Variants in PCDHA10 observed in about 807,000 individuals in gnomAD.
PCDHA10 encodes protocadherin alpha 10, also known as protocadherin alpha-10.
Under a neutral mutation model 61.2 loss-of-function variants are expected in PCDHA10, and 45 were observed. The ratio of observed to expected loss-of-function variants is 0.74; its 90% CI spans 0.58 to 0.94. The LOEUF is 0.94. PCDHA10 is among the 40% of genes least tolerant of loss of function. The probability of loss-of-function intolerance (pLI) is 0.00; values close to 1 mark genes in which losing one functional copy is unlikely to be tolerated. For synonymous variants in PCDHA10, 602 were observed against 548.8 expected, an observed-to-expected ratio of 1.10 and a Z score of -1.35; for missense variants, 1,278 against 1,236.2, an observed-to-expected ratio of 1.03 and a Z score of -0.51.
chr5:140,930,412 G>T (rs1327423423), intron 1 of PCDHA10: 1 of 148,866 alleles, frequency 6.7e-6, no homozygotes, highest in Non-Finnish European at 1.5e-5. Context: ...TTTTGAGACA[G>T]GGGTCTCACT....
At chr5:140,902,594 A>G (rs1208012043) in intron 1 of PCDHA10, among the ~76,000 whole-genome samples, 1 of 152,112 alleles carries the variant, frequency 6.6e-6, no homozygotes, top group Non-Finnish European at 1.5e-5. Context: ...TTTGGGAAAC[A>G]GGTCGTTTTC....
intron 1 of PCDHA10, among the ~76,000 whole-genome samples, chr5:140,941,348 G>T (rs1193360429): frequency 1.7e-5 from 2 of 116,240 alleles, no homozygotes; most frequent in East Asian, 2.7e-4. Context: ...ATGGAGTCTT[G>T]CTCTGTTGCC....
At chr5:140,958,868 A>G (rs2095446207) in intron 1 of PCDHA10, among the ~76,000 whole-genome samples, 2 of 152,108 alleles carry the variant, frequency 1.3e-5, no homozygotes, top group Non-Finnish European at 2.9e-5. Context: ...CTGGGTTTAT[A>G]AAAGAATTGA....
At chr5:140,871,682 A>C (rs1207167654) in intron 1 of PCDHA10, 1 of 1,103,566 alleles carries the variant, frequency 9.1e-7, no homozygotes, top group Non-Finnish European at 1.3e-6. Context: ...TCATATGAAT[A>C]ATCTGGCTTC....
intron 1 of PCDHA10, chr5:140,869,173 T>C: frequency 6.2e-7 from 1 of 1,613,884 alleles, no homozygotes; most frequent in African/African-American, 1.3e-5. Flanking sequence ...CCTCGAATTC[T>C]GGGAGGTGGG....
Position 140,971,209 on chromosome 5 carries a change from C to A in PCDHA10, c.2389-7740C>A, listed in dbSNP as rs147218200. 2.2e-3 allele frequency among the ~76,000 whole-genome samples: 328 copies of A among 152,236 alleles called. 3 individuals are homozygous for A. Among genetic ancestry groups the A allele is most frequent in the African/African-American group, 7.7e-3 (319 of 41,534 alleles). Reference sequence around the variant, plus strand: ...AAGCTCAGAGGAAAGACACTGTTACCCTCCCTCTCCTGACTCAAAGCTTGG... The same window carrying A: ...AAGCTCAGAGGAAAGACACTGTTACACTCCCTCTCCTGACTCAAAGCTTGG... On this transcript the variant is annotated intron_variant, in intron 1 of 3. Coordinates refer to ENST00000307360, the MANE Select transcript of PCDHA10 (RefSeq NM_018901.4).
At chr5:140,925,092 AGGAAGGAAGGAAGGAG>A (rs1190692996) in intron 1 of PCDHA10, among the ~76,000 whole-genome samples, 1 of 151,410 alleles carries the variant, frequency 6.6e-6, no homozygotes, top group Non-Finnish European at 1.5e-5. Flanking sequence ...AAAGGAAGGA[AGGAAGGAAGGAAGGAG>A]GGAAGGAAGG....
intron 1 of PCDHA10, chr5:140,883,517 A>G: frequency 6.2e-7 from 1 of 1,614,162 alleles, no homozygotes; most frequent in Non-Finnish European, 8.5e-7. Context: ...GGACCGCGAG[A>G]GCGTATCAGC....
intron 1 of PCDHA10, chr5:140,930,201 A>G (rs1185112868): frequency 6.6e-6 from 1 of 152,178 alleles, no homozygotes; most frequent in Non-Finnish European, 1.5e-5. Flanking sequence ...TTATGTCAGA[A>G]ATATTTATGT....
At position 140,966,633 on chromosome 5, in the gene PCDHA10, C is replaced by T. The variant is rs2096029445; in HGVS notation, c.2389-12316C>T. ...GGCCTACGGAGGGAGCGGCCCCAGG[C>T]GCTTTCTAGAGCGTGAGCGGTGGGG... On this transcript the variant is annotated intron_variant, in intron 1 of 3. Transcript: ENST00000307360. 9 of 1,005,684 alleles carry T rather than the reference C, an allele frequency of 8.9e-6. No homozygotes were observed. In the South Asian group the frequency reaches 1.6e-4, roughly 18 times the overall value. 62.3% of individuals were successfully genotyped at this position (1,005,684 alleles called of 1,614,324 possible).
At chr5:140,861,700 T>C (rs2047027429) in intron 1 of PCDHA10, 1 of 222,356 alleles carries the variant, frequency 4.5e-6, no homozygotes, top group Non-Finnish European at 9.0e-6. Flanking sequence ...GTGTCTGTGA[T>C]GCCGACGTCG....
At chr5:140,929,821 C>G (rs2086398950) in intron 1 of PCDHA10, 1 of 157,208 alleles carries the variant, frequency 6.4e-6, no homozygotes, top group Non-Finnish European at 1.4e-5. Context: ...AGAAAGGGAA[C>G]ATAAGAGAAC....
intron 1 of PCDHA10, chr5:140,869,696 A>T: frequency 6.2e-7 from 1 of 1,613,472 alleles, no homozygotes; most frequent in Non-Finnish European, 8.5e-7. Context: ...ATTTTAAAGA[A>T]GTCTCTGGAT....
intron 1 of PCDHA10, among the ~76,000 whole-genome samples, chr5:140,892,004 T>A (rs562047314): frequency 6.6e-6 from 1 of 152,364 alleles, no homozygotes; most frequent in East Asian, 1.9e-4. Flanking sequence ...TGGCATTCTG[T>A]TATAGCAGCA....
intron 1 of PCDHA10, among the ~76,000 whole-genome samples, chr5:140,907,756 C>A (rs183321184): frequency 6.6e-6 from 1 of 152,146 alleles, no homozygotes; most frequent in African/African-American, 2.4e-5. Flanking sequence ...TGTTCATGGG[C>A]CCATTGGGTG....
intron 1 of PCDHA10, among the ~76,000 whole-genome samples, chr5:140,878,510 A>G (rs781881628): frequency 2.0e-5 from 3 of 152,250 alleles, no homozygotes; most frequent in Non-Finnish European, 4.4e-5. Flanking sequence ...ACGATACAGT[A>G]CAGTTGGTAA....
At chr5:140,968,256 A>G (rs782309414) in intron 1 of PCDHA10, 2 of 1,614,006 alleles carry the variant, frequency 1.2e-6, no homozygotes, top group East Asian at 4.5e-5. Flanking sequence ...ACAGACCCAG[A>G]TGAAAAGGAG....
In PCDHA10 at chr5:140,959,152, A is replaced by C. The variant is rs182353196; in HGVS notation, c.2389-19797A>C. 1.3e-4 allele frequency among the ~76,000 whole-genome samples: 20 copies of C among 152,108 alleles called. No individual in the cohort carries two copies. The East Asian group carries it at 3.9e-3, about 30-fold the overall frequency. ...CCCACTTTGGGAGGCCAAAGTGGGC[A>C]GATTGCTTGACCCCAGGAGTTCAGG... On this transcript the variant is annotated intron_variant, in intron 1 of 3. Coordinates refer to ENST00000307360, the MANE Select transcript of PCDHA10 (RefSeq NM_018901.4).
At chr5:140,975,010 C>T (rs2096649304) in intron 1 of PCDHA10, among the ~76,000 whole-genome samples, 1 of 152,182 alleles carries the variant, frequency 6.6e-6, no homozygotes, top group Admixed American at 6.5e-5. Context: ...GAAATGAACA[C>T]AGCTGGGCTG....
Sources: allele counts gnomAD v4.1 joint callset (sites outside exome capture counted in the v4.1 genomes callset), GRCh38; gene constraint gnomAD v4.1.1; transcripts MANE v1.5; gene names NCBI Gene and HGNC (gene_info 2026-07-23, HGNC 2026-07-21).